Variants in SRGAP2 observed in about 807,000 individuals in gnomAD.
SRGAP2 encodes SLIT-ROBO Rho GTPase-activating protein 2.
SRGAP2 carries 15 observed loss-of-function variants against 57.2 expected under a neutral mutation model. That is an observed-to-expected ratio of 0.26 (90% CI 0.18 to 0.40). The LOEUF (loss-of-function observed/expected upper bound fraction) is 0.40, where lower values mean the gene tolerates loss of function less well. Among genes scored for constraint, SRGAP2 ranks in the 10% least tolerant of loss-of-function variants. The pLI is 1.00. For synonymous variants in SRGAP2, 249 were observed against 248.0 expected (o/e 1.00, Z -0.04); for missense variants, 520 against 669.6 (o/e 0.78, Z 2.47).
chr1:206,357,389 CA>C (rs1232720920), intron 4 of SRGAP2, among the ~76,000 whole-genome samples: 1 of 151,168 alleles, frequency 6.6e-6, no homozygotes, highest in East Asian at 1.9e-4. Context: ...TTTTTATACA[CA>C]TTTTTTTAAA....
chr1:206,421,073 C>T lies in SRGAP2; in HGVS notation c.1470-177C>T, dbSNP rs138898568. On this transcript the variant is annotated intron_variant, in intron 12 of 22. Coordinates refer to ENST00000573034, the MANE Select transcript of SRGAP2 (RefSeq NM_015326.5). ...AATTTATCAAGTTTCTTAGCCATTT[C>T]TGGGACTGAACTGAGTAATGTCACA... 1.6e-3 allele frequency among the ~76,000 whole-genome samples: 243 copies of T among 152,312 alleles called. 1 individual carries two copies. The highest frequency in any genetic ancestry group is 5.7e-3 in the African/African-American group (235 of 41,562).
intron 12 of SRGAP2, among the ~76,000 whole-genome samples, chr1:206,420,015 G>A (rs1660154774): frequency 6.6e-6 from 1 of 151,976 alleles, no homozygotes; most frequent in Non-Finnish European, 1.5e-5. Flanking sequence ...CTCAGTCATG[G>A]TGCTGCTATG....
At chr1:206,295,813 C>G (rs1553620167) in intron 2 of SRGAP2, among the ~76,000 whole-genome samples, 1 of 152,178 alleles carries the variant, frequency 6.6e-6, no homozygotes, top group African/African-American at 2.4e-5. Context: ...GAAATCCTCA[C>G]TTTATCCATT....
At chr1:206,276,875 G>A (rs1670442340) in intron 2 of SRGAP2, among the ~76,000 whole-genome samples, 1 of 152,120 alleles carries the variant, frequency 6.6e-6, no homozygotes. Flanking sequence ...CAGCAGCTGA[G>A]TATTTGCTGC....
chr1:206,443,953 G>T (rs1469638462), intron 17 of SRGAP2, among the ~76,000 whole-genome samples: 1 of 152,096 alleles, frequency 6.6e-6, no homozygotes, highest in Non-Finnish European at 1.5e-5. Flanking sequence ...ACGTTGGGTG[G>T]CCAAGGCGGG....
intron 14 of SRGAP2, among the ~76,000 whole-genome samples, chr1:206,436,709 A>C (rs967042717): frequency 6.6e-6 from 1 of 152,222 alleles, no homozygotes; most frequent in South Asian, 2.1e-4. Context: ...AAACAAGGGA[A>C]GGAATCTGCC....
chr1:206,365,310 C>G (rs558828857), intron 4 of SRGAP2, among the ~76,000 whole-genome samples: 1 of 150,908 alleles, frequency 6.6e-6, no homozygotes, highest in Admixed American at 6.6e-5. Flanking sequence ...AGGGTACACC[C>G]CTCTTATATT....
chr1:206,415,291 T>C (rs1659589673), intron 10 of SRGAP2, among the ~76,000 whole-genome samples: 1 of 152,158 alleles, frequency 6.6e-6, no homozygotes, highest in African/African-American at 2.4e-5. Context: ...TAGACCTGGA[T>C]GTGTGTATGC....
intron 2 of SRGAP2, among the ~76,000 whole-genome samples, chr1:206,286,617 C>T (rs1287363028): frequency 1.2e-4 from 19 of 152,134 alleles, no homozygotes; most frequent in Middle Eastern, 3.4e-3. Flanking sequence ...AATAGATTTA[C>T]AAGTGGCATG....
intron 3 of SRGAP2, among the ~76,000 whole-genome samples, chr1:206,311,651 C>T (rs1325347202): frequency 6.6e-6 from 1 of 151,912 alleles, no homozygotes; most frequent in African/African-American, 2.4e-5. Flanking sequence ...AGATAGGGGC[C>T]AGAAGATTAA....
At chr1:206,305,667 T>G (rs1163112298) in intron 3 of SRGAP2, among the ~76,000 whole-genome samples, 2 of 150,656 alleles carry the variant, frequency 1.3e-5, no homozygotes, top group Non-Finnish European at 2.9e-5. Flanking sequence ...GCGCACTAAA[T>G]ATTGTGGAAT....
chr1:206,428,870 A>G (rs782079613), intron 13 of SRGAP2, among the ~76,000 whole-genome samples: 1 of 151,762 alleles, frequency 6.6e-6, no homozygotes. Context: ...CTGGTCTCAC[A>G]CTCTTGATCT....
intron 4 of SRGAP2, among the ~76,000 whole-genome samples, chr1:206,361,496 A>G (rs556122138): frequency 1.3e-5 from 2 of 152,328 alleles, no homozygotes; most frequent in East Asian, 3.9e-4. Flanking sequence ...ATGACAAAGG[A>G]TAGGAAACTG....
chr1:206,385,746 C>T lies in SRGAP2; in HGVS notation c.486+1670C>T, dbSNP rs559741068. ...CTTATTTCTCTGGTCTGCAGAGGGC[C>T]GAGCTGCTACCTCTGACTGCAGACT... On this transcript the variant is annotated intron_variant, in intron 5 of 22. Coordinates refer to ENST00000573034, the MANE Select transcript of SRGAP2 (RefSeq NM_015326.5). 5.3e-5 allele frequency among the ~76,000 whole-genome samples: 8 copies of T among 152,184 alleles called. No individual in the cohort carries two copies. In the South Asian group the frequency reaches 1.0e-3, roughly 20 times the overall value.
intron 2 of SRGAP2, among the ~76,000 whole-genome samples, chr1:206,247,085 C>T (rs1281993403): frequency 2.0e-4 from 28 of 138,308 alleles, no homozygotes; most frequent in African/African-American, 7.2e-4. Flanking sequence ...CCCAGGGCTG[C>T]GCCAGCAGCA....
intron 2 of SRGAP2, among the ~76,000 whole-genome samples, chr1:206,231,569 G>A (rs1553307009): frequency 1.4e-5 from 2 of 146,852 alleles, no homozygotes; most frequent in African/African-American, 2.5e-5. Context: ...ACAGAGTCTT[G>A]TTCTGTTGCC....
intron 11 of SRGAP2, among the ~76,000 whole-genome samples, chr1:206,418,096 G>T (rs1461205479): frequency 6.7e-6 from 1 of 150,142 alleles, no homozygotes; most frequent in Non-Finnish European, 1.5e-5. Flanking sequence ...ACAAGTTCTA[G>T]CAATAAAGAA....
At chr1:206,214,810 A>AT (rs1666547429) in intron 2 of SRGAP2, 2 of 149,370 alleles carry the variant, frequency 1.3e-5, no homozygotes, top group Admixed American at 1.3e-4. Flanking sequence ...AAAAAAAAAA[A>AT]GAAAAGAAAG....
chr1:206,365,558 C>T (rs1215513532), intron 4 of SRGAP2, among the ~76,000 whole-genome samples: 1 of 140,160 alleles, frequency 7.1e-6, no homozygotes, highest in African/African-American at 2.8e-5. Context: ...GGGCCTGCCT[C>T]ATGCCCTCCT....
Sources: gnomAD v4.1 joint callset for allele counts (sites outside exome capture counted in the v4.1 genomes callset) on GRCh38, gnomAD v4.1.1 for gene constraint, MANE v1.5 for transcripts, NCBI Gene and HGNC (gene_info 2026-07-23, HGNC 2026-07-21) for gene names.